Variants in EDA observed in about 807,000 individuals in gnomAD.
EDA encodes the protein ectodysplasin-A.
A neutral mutation model predicts 23.6 loss-of-function variants in EDA; 2 were observed. That is an observed-to-expected ratio of 0.08 (90% CI 0.03 to 0.27). The LOEUF (loss-of-function observed/expected upper bound fraction) is 0.27, where lower values mean the gene tolerates loss of function less well. Ranked by LOEUF, EDA falls within the 10% of genes least tolerant of loss-of-function variation. The pLI is 1.00. For synonymous variants in EDA, 131 were observed against 132.0 expected, an observed-to-expected ratio of 0.99 and a Z score of 0.05; for missense variants, 229 against 324.2, an observed-to-expected ratio of 0.71 and a Z score of 2.26.
intron 1 of EDA, among the ~76,000 whole-genome samples, chrX:69,702,137 G>T (rs1050760370): frequency 1.8e-5 from 2 of 111,462 alleles, no homozygotes; most frequent in Non-Finnish European, 3.8e-5. Flanking sequence ...AAGGGAACAT[G>T]AACTCTAACA....
intron 1 of EDA, among the ~76,000 whole-genome samples, chrX:69,931,899 C>T (rs2018604046): frequency 8.9e-6 from 1 of 112,113 alleles, no homozygotes; most frequent in Non-Finnish European, 1.9e-5. Context: ...ACACCAATGT[C>T]TGTAACAGTT....
chrX:69,956,342 C>CTT (rs200365541), intron 1 of EDA, among the ~76,000 whole-genome samples: 1 of 73,694 alleles, frequency 1.4e-5, no homozygotes, highest in Non-Finnish European at 2.6e-5. Flanking sequence ...TTTCTTTCTT[C>CTT]TTTTTTTTTT....
At chrX:69,669,936 A>G (rs1472710776) in intron 1 of EDA, among the ~76,000 whole-genome samples, 1 of 112,053 alleles carries the variant, frequency 8.9e-6, no homozygotes, top group African/African-American at 3.2e-5. Context: ...TTTACACACC[A>G]TTACAACAGT....
chrX:69,626,304 G>T (rs142559211), intron 1 of EDA, among the ~76,000 whole-genome samples: 74 of 111,769 alleles, frequency 6.6e-4, no homozygotes, highest in African/African-American at 2.3e-3. Context: ...CCACTCCTAG[G>T]CATATACCTA....
chrX:69,904,936 C>A (rs1229697060), intron 1 of EDA, among the ~76,000 whole-genome samples: 1 of 112,060 alleles, frequency 8.9e-6, no homozygotes, highest in African/African-American at 3.2e-5. Flanking sequence ...TGTTGATGAA[C>A]AGTTAGGTTG....
At chrX:69,700,060 C>T (rs1244642557) in intron 1 of EDA, among the ~76,000 whole-genome samples, 1 of 110,791 alleles carries the variant, frequency 9.0e-6, no homozygotes, top group African/African-American at 3.3e-5. Context: ...AGATAGGTGA[C>T]TGAGGGGGTG....
chrX:69,634,760 A>C (rs185756125), intron 1 of EDA, among the ~76,000 whole-genome samples: 15 of 111,417 alleles, frequency 1.3e-4, no homozygotes, highest in Non-Finnish European at 2.8e-4. Context: ...TGTTACAGTC[A>C]TGTGCCACAT....
intron 1 of EDA, among the ~76,000 whole-genome samples, chrX:69,867,244 A>T (rs1035903846): frequency 5.4e-5 from 6 of 111,979 alleles, no homozygotes; most frequent in African/African-American, 1.6e-4. Flanking sequence ...CCATTGGGTG[A>T]TGACAGGGGT....
At chrX:69,666,584 A>G (rs1436503799) in intron 1 of EDA, among the ~76,000 whole-genome samples, 2 of 112,636 alleles carry the variant, frequency 1.8e-5, no homozygotes, top group African/African-American at 6.4e-5. Flanking sequence ...TGTTAATGTC[A>G]TATGTATCAC....
intron 1 of EDA, among the ~76,000 whole-genome samples, chrX:69,747,104 A>G (rs769787573): frequency 2.1e-4 from 23 of 111,910 alleles, no homozygotes; most frequent in African/African-American, 7.1e-4. Flanking sequence ...AGAGGCAGGC[A>G]ACAGATTTCA....
intron 1 of EDA, among the ~76,000 whole-genome samples, chrX:69,922,849 A>C (rs147764774): frequency 0.027 from 2,986 of 111,426 alleles, 46 homozygotes; most frequent in Middle Eastern, 0.078. Flanking sequence ...TGCACAAAGT[A>C]GAGGGAGTTT....
In EDA at chrX:70,039,211, T is replaced by G. The variant is rs982986887; in HGVS notation, c.*3602T>G. ...GTGAGCACAAAGAAGAAAGCTGATT[T>G]TTGTCTTTTAATCCATTTCAGGACT... On this transcript the variant is annotated 3_prime_UTR_variant, in exon 8 of 8. Transcript: ENST00000374552. 9.0e-6 allele frequency: 1 copy of G among 111,514 alleles called. No homozygotes were observed. Among genetic ancestry groups the G allele is most frequent in the African/African-American group, 3.3e-5 (1 of 30,566 alleles). 9.2% of individuals were successfully genotyped at this position (111,514 alleles called of 1,213,427 possible). A position where few individuals can be genotyped will look rare whatever the true frequency, so the allele number is the denominator to read the frequency against.
At chrX:69,718,476 A>C (rs1297428810) in intron 1 of EDA, among the ~76,000 whole-genome samples, 1 of 110,997 alleles carries the variant, frequency 9.0e-6, no homozygotes, top group Non-Finnish European at 1.9e-5. Flanking sequence ...TCTCTATTTC[A>C]AATTACTGAG....
intron 2 of EDA, among the ~76,000 whole-genome samples, chrX:70,009,039 A>G (rs1409717472): frequency 9.0e-6 from 1 of 111,648 alleles, no homozygotes; most frequent in Non-Finnish European, 1.9e-5. Flanking sequence ...AGCCCATTTT[A>G]CCTAAGTGAT....
intron 1 of EDA, among the ~76,000 whole-genome samples, chrX:69,705,542 T>C (rs761346373): frequency 1.8e-4 from 20 of 112,475 alleles, no homozygotes; most frequent in Non-Finnish European, 3.2e-4. Context: ...GGGACCTTTG[T>C]CCTTTTTTAA....
chrX:69,631,254 A>C (rs1350665521), intron 1 of EDA, among the ~76,000 whole-genome samples: 1 of 108,888 alleles, frequency 9.2e-6, no homozygotes, highest in East Asian at 2.9e-4. Flanking sequence ...GGTGGCACGC[A>C]CCTGTAATCC....
chrX:69,694,467 T>G (rs1435528712), intron 1 of EDA, among the ~76,000 whole-genome samples: 2 of 112,230 alleles, frequency 1.8e-5, no homozygotes, highest in Non-Finnish European at 3.8e-5. Flanking sequence ...ATCTGGAAAG[T>G]CTCACCTAGT....
At chrX:69,669,332 G>GT (rs1367753353) in intron 1 of EDA, among the ~76,000 whole-genome samples, 2 of 110,555 alleles carry the variant, frequency 1.8e-5, no homozygotes, top group Non-Finnish European at 3.8e-5. Flanking sequence ...ATTTATGGTT[G>GT]TTTTTTAGCT....
At chrX:69,987,582 C>CA (rs759944745) in intron 2 of EDA, among the ~76,000 whole-genome samples, 2 of 103,976 alleles carry the variant, frequency 1.9e-5, no homozygotes, top group Admixed American at 1.0e-4. Flanking sequence ...TAAGCACAGA[C>CA]AAAAAAACAC....
Sources: gnomAD v4.1 joint callset for allele counts (sites outside exome capture counted in the v4.1 genomes callset) on GRCh38, gnomAD v4.1.1 for gene constraint, MANE v1.5 for transcripts, NCBI Gene and HGNC (gene_info 2026-07-23, HGNC 2026-07-21) for gene names.